Variants in SRGAP2B observed in about 807,000 individuals in gnomAD.
SRGAP2B encodes SLIT-ROBO Rho GTPase activating protein 2B, also known as SLIT-ROBO Rho GTPase-activating protein 2B.
SRGAP2B carries 9 observed loss-of-function variants against 22.2 expected under a neutral mutation model. The observed-to-expected ratio is 0.41, with a 90% CI of 0.24 to 0.71. SRGAP2B has a LOEUF of 0.71. Among genes scored for constraint, SRGAP2B ranks in the 30% least tolerant of loss-of-function variants. The probability of loss-of-function intolerance (pLI) is 0.35; values close to 1 mark genes in which losing one functional copy is unlikely to be tolerated. For missense variants in SRGAP2B, 114 were observed against 235.8 expected (o/e 0.48, Z 3.38); for synonymous variants, 36 against 87.4 (o/e 0.41, Z 3.28).
At chr1:144,934,403 CAA>C (rs782588401) in intron 4 of SRGAP2B, among the ~76,000 whole-genome samples, 6 of 40,692 alleles carry the variant, frequency 1.5e-4, no homozygotes, top group African/African-American at 3.2e-4. Context: ...AACTCCATCT[CAA>C]AAAAAAAAAA....
intron 3 of SRGAP2B, among the ~76,000 whole-genome samples, chr1:144,971,657 A>G (rs1553613307): frequency 6.6e-6 from 1 of 150,916 alleles, no homozygotes; most frequent in Non-Finnish European, 1.5e-5. Flanking sequence ...AAACTCAGTG[A>G]ATCTTCTGTG....
chr1:145,084,638 T>C (rs1308428366), intron 2 of SRGAP2B, among the ~76,000 whole-genome samples: 1 of 152,106 alleles, frequency 6.6e-6, no homozygotes, highest in Non-Finnish European at 1.5e-5. Flanking sequence ...TAGTAGTCTG[T>C]TTAAAGAATG....
chr1:144,979,549 TC>T lies in SRGAP2B; in HGVS notation c.260+15458del, dbSNP rs756913987. On this transcript the variant is annotated intron_variant, in intron 3 of 9. Coordinates refer to ENST00000612199, the Ensembl canonical transcript of SRGAP2B. ...CTATGTGATATGGTTTGGATGTCTG[TC>T]CCCCCCCAAATCTCATGTTGAAATG... Among the ~76,000 whole-genome samples, 581 of 140,328 alleles carry T rather than the reference TC, an allele frequency of 4.1e-3. 6 individuals are homozygous for T. The highest frequency in any genetic ancestry group is 0.034 in the South Asian group (137 of 4,072). 92.1% of individuals were successfully genotyped at this position (140,328 alleles called of 152,430 possible). A position where few individuals can be genotyped will look rare whatever the true frequency, so the allele number is the denominator to read the frequency against.
chr1:145,075,885 C>T (rs1371174290), intron 2 of SRGAP2B, among the ~76,000 whole-genome samples: 2 of 149,352 alleles, frequency 1.3e-5, no homozygotes, highest in African/African-American at 5.0e-5. Flanking sequence ...GTCAGGAGTT[C>T]AAGACCAGCC....
intron 4 of SRGAP2B, among the ~76,000 whole-genome samples, chr1:144,940,454 G>A (rs587727362): frequency 6.7e-6 from 1 of 150,190 alleles, no homozygotes; most frequent in East Asian, 1.9e-4. Flanking sequence ...AAAAGACAAC[G>A]AGATTTTTAA....
At chr1:145,076,423 A>G (rs1182968262) in intron 2 of SRGAP2B, among the ~76,000 whole-genome samples, 3 of 150,428 alleles carry the variant, frequency 2.0e-5, no homozygotes, top group South Asian at 2.1e-4. Flanking sequence ...GAAACAACCC[A>G]TATGTCCGAA....
intron 2 of SRGAP2B, among the ~76,000 whole-genome samples, chr1:145,019,962 G>A (rs1672672632): frequency 1.3e-5 from 2 of 151,070 alleles, no homozygotes; most frequent in South Asian, 2.1e-4. Flanking sequence ...TTGAGCCTTA[G>A]GGCTCCACCT....
chr1:144,934,420 A>C (rs1375905143), intron 4 of SRGAP2B, among the ~76,000 whole-genome samples: 1 of 148,576 alleles, frequency 6.7e-6, no homozygotes, highest in African/African-American at 2.6e-5. Flanking sequence ...AAAAAAAAAA[A>C]AAAAAAGAGC....
intron 2 of SRGAP2B, among the ~76,000 whole-genome samples, chr1:145,021,685 A>C (rs1571028848): frequency 6.7e-6 from 1 of 148,586 alleles, no homozygotes; most frequent in Non-Finnish European, 1.5e-5. Context: ...GTGGTGGCAC[A>C]TGCCTGTAAT....
At chr1:144,994,961 A>AC (rs782452882) in intron 3 of SRGAP2B, 47 bp downstream of exon 3, 1 of 1,038,528 alleles carries the variant, frequency 9.6e-7, no homozygotes, top group Non-Finnish European at 1.3e-6. Flanking sequence ...TCCACCCTGG[A>AC]CCCCATATTC....
chr1:144,988,688 C>T (rs1396296903), intron 3 of SRGAP2B, among the ~76,000 whole-genome samples: 2 of 148,750 alleles, frequency 1.3e-5, no homozygotes, highest in African/African-American at 5.1e-5. Flanking sequence ...ACTTTTACTC[C>T]GAAGATTCTG....
At chr1:145,030,770 T>C in intron 2 of SRGAP2B, among the ~76,000 whole-genome samples, 1 of 47,320 alleles carries the variant, frequency 2.1e-5, no homozygotes, top group Non-Finnish European at 4.3e-5. Context: ...ATATAGTCCA[T>C]GTTCATCATA....
intron 2 of SRGAP2B, among the ~76,000 whole-genome samples, chr1:145,017,246 A>T (rs1181093489): frequency 1.3e-5 from 2 of 149,690 alleles, no homozygotes; most frequent in Admixed American, 1.3e-4. Flanking sequence ...TCTTATTACT[A>T]TGTTTGCCAG....
chr1:144,967,585 G>C (rs1668183161), intron 3 of SRGAP2B, among the ~76,000 whole-genome samples: 1 of 145,788 alleles, frequency 6.9e-6, no homozygotes, highest in Non-Finnish European at 1.5e-5. Flanking sequence ...AAAAGAACTA[G>C]AAAAGCAAGA....
chr1:144,962,865 C>T (rs1667780568), intron 3 of SRGAP2B, among the ~76,000 whole-genome samples: 2 of 151,770 alleles, frequency 1.3e-5, no homozygotes, highest in South Asian at 4.1e-4. Context: ...GGGCTAGCCA[C>T]TATTCTAGGA....
intron 2 of SRGAP2B, among the ~76,000 whole-genome samples, chr1:145,019,976 G>A (rs1672673613): frequency 6.6e-6 from 1 of 151,152 alleles, no homozygotes; most frequent in Admixed American, 6.6e-5. Flanking sequence ...TCCACCTTAA[G>A]GCCTTTAAAC....
chr1:145,020,561 A>C (rs2102278359), intron 2 of SRGAP2B, among the ~76,000 whole-genome samples: 1 of 147,160 alleles, frequency 6.8e-6, no homozygotes, highest in African/African-American at 2.6e-5. Context: ...CTAGCAATTT[A>C]TATATTCATC....
In SRGAP2B at chr1:144,982,554, T is replaced by A. The variant is rs1278042932; in HGVS notation, c.260+12454A>T. 1.3e-5 allele frequency among the ~76,000 whole-genome samples: 2 copies of A among 150,474 alleles called. 1 individual carries two copies. The highest frequency in any genetic ancestry group is 5.0e-5 in the African/African-American group (2 of 40,130). On this transcript the variant is annotated intron_variant, in intron 3 of 9. Coordinates refer to ENST00000612199, the Ensembl canonical transcript of SRGAP2B. ...CACAAACATTAGCTAGTGCTGTATA[T>A]ACATTATATATATCCTTAGAAGGAT...
chr1:145,088,740 C>T (rs587597362), intron 2 of SRGAP2B, among the ~76,000 whole-genome samples: 4 of 140,606 alleles, frequency 2.8e-5, no homozygotes, highest in Non-Finnish European at 6.2e-5. Flanking sequence ...TTACCACCTT[C>T]GCTGCTCCAA....
Sources: gnomAD v4.1 joint callset for allele counts (sites outside exome capture counted in the v4.1 genomes callset) on GRCh38, gnomAD v4.1.1 for gene constraint, MANE v1.5 for transcripts, NCBI Gene and HGNC (gene_info 2026-07-23, HGNC 2026-07-21) for gene names.